The following HDX variants were observed in gnomAD, a reference collection of about 807,000 sequenced individuals.
The protein encoded by HDX is chromosome X open reading frame 43.
HDX carries 19 observed loss-of-function variants against 45.2 expected under a neutral mutation model. The observed-to-expected ratio is 0.42, with a 90% CI of 0.29 to 0.62. The LOEUF (loss-of-function observed/expected upper bound fraction) is 0.62, where lower values mean the gene tolerates loss of function less well. HDX is among the 20% of genes least tolerant of loss of function. The pLI, the probability that HDX is intolerant of heterozygous loss-of-function variation, is 0.20. For synonymous variants in HDX, 188 were observed against 172.8 expected, an observed-to-expected ratio of 1.09 and a Z score of -0.69; for missense variants, 532 against 493.9, an observed-to-expected ratio of 1.08 and a Z score of -0.73.
chrX:84,365,336 T>C (rs933357713), intron 5 of HDX, among the ~76,000 whole-genome samples: 12 of 111,309 alleles, frequency 1.1e-4, no homozygotes, highest in African/African-American at 3.9e-4. Context: ...CCTAAAGTCA[T>C]AGGGATGGCC....
intron 4 of HDX, among the ~76,000 whole-genome samples, chrX:84,452,749 C>T (rs2040029545): frequency 9.0e-6 from 1 of 111,516 alleles, no homozygotes; most frequent in Non-Finnish European, 1.9e-5. Flanking sequence ...TCAATAAATG[C>T]TACTAGGAAG....
At chrX:84,500,528 C>T (rs764416487) in intron 1 of HDX, among the ~76,000 whole-genome samples, 1 of 109,789 alleles carries the variant, frequency 9.1e-6, no homozygotes, top group South Asian at 4.0e-4. Context: ...CTACAAGCAA[C>T]TAACAAAGAC....
Position 84,469,086 on chromosome X carries a change from G to C in HDX, c.637C>G (p.Pro213Ala). ...QASEMTVPQK[P>A]SVCHRPCKIE... ...TTACAAGGTCGGTGGCACACAGAAG[G>C]CTTTTGAGGTACTGTCATTTCAGAA... Residue 213 changes from proline to alanine, a missense_variant, in exon 4 of 11, where the codon CCT (proline) becomes GCT (alanine). By Grantham distance (27) the Pro-to-Ala change is conservative. This residue lies in a region of HDX where 376 missense variants were observed against 343.7 expected (regional missense o/e 1.09). Coordinates refer to ENST00000373177, the MANE Select transcript of HDX (RefSeq NM_001177479.2). 1 of 1,211,564 alleles carries C rather than the reference G, an allele frequency of 8.3e-7. No homozygotes were observed. Among genetic ancestry groups the C allele is most frequent in the East Asian group, 3.0e-5 (1 of 33,834 alleles).
At chrX:84,489,624 T>C (rs956580263) in intron 1 of HDX, among the ~76,000 whole-genome samples, 1 of 111,920 alleles carries the variant, frequency 8.9e-6, no homozygotes, top group Non-Finnish European at 1.9e-5. Flanking sequence ...CAACTGTCTA[T>C]ACAATGCAAG....
At chrX:84,356,614 C>CTT (rs59321751) in intron 6 of HDX, among the ~76,000 whole-genome samples, 2,807 of 39,526 alleles carry the variant, frequency 0.071, 315 homozygotes, top group African/African-American at 0.19. Context: ...CTGTGGATAT[C>CTT]TTTTTTTTTT....
chrX:84,454,999 T>C (rs1378763530), intron 4 of HDX, among the ~76,000 whole-genome samples: 2 of 111,267 alleles, frequency 1.8e-5, no homozygotes, highest in Non-Finnish European at 3.8e-5. Flanking sequence ...CTGTGAGAGA[T>C]ATAGCATTAC....
chrX:84,374,752 A>T (rs2037997984), intron 5 of HDX, among the ~76,000 whole-genome samples: 1 of 108,459 alleles, frequency 9.2e-6, no homozygotes, highest in Non-Finnish European at 1.9e-5. Flanking sequence ...TTCAAGATGG[A>T]TTAAAGACTT....
chrX:84,330,294 G>C (rs902213509), intron 9 of HDX, among the ~76,000 whole-genome samples: 1 of 111,496 alleles, frequency 9.0e-6, no homozygotes, highest in Non-Finnish European at 1.9e-5. Context: ...TGGCAAACTG[G>C]TCTCAAAATC....
chrX:84,360,538 A>C (rs949127441), intron 6 of HDX, among the ~76,000 whole-genome samples: 6 of 111,634 alleles, frequency 5.4e-5, no homozygotes, highest in Admixed American at 9.6e-5. Flanking sequence ...CATCATGCCA[A>C]AAATAAATCC....
chrX:84,492,659 G>A (rs927141882), intron 1 of HDX, among the ~76,000 whole-genome samples: 2 of 111,233 alleles, frequency 1.8e-5, no homozygotes, highest in Non-Finnish European at 3.8e-5. Flanking sequence ...TCAGTACTGC[G>A]AATAACTCTT....
intron 6 of HDX, among the ~76,000 whole-genome samples, chrX:84,346,737 C>A (rs761271919): frequency 8.1e-5 from 9 of 111,466 alleles, no homozygotes; most frequent in African/African-American, 1.3e-4. Context: ...AAAATGAACT[C>A]AAAATGCATC....
At chrX:84,372,712 G>T (rs1364958709) in intron 5 of HDX, among the ~76,000 whole-genome samples, 1 of 111,743 alleles carries the variant, frequency 8.9e-6, no homozygotes, top group Non-Finnish European at 1.9e-5. Flanking sequence ...AACTCCCAAA[G>T]GTTTATCATA....
chrX:84,422,755 G>A (rs751510383), intron 5 of HDX, among the ~76,000 whole-genome samples: 4 of 89,188 alleles, frequency 4.5e-5, no homozygotes, highest in East Asian at 4.1e-4. Flanking sequence ...TGCAAGCTCC[G>A]CCTCCTGGGT....
chrX:84,405,356 G>A (rs2038794035), intron 5 of HDX, among the ~76,000 whole-genome samples: 1 of 110,443 alleles, frequency 9.1e-6, no homozygotes, highest in Non-Finnish European at 1.9e-5. Context: ...TATTTTAAAT[G>A]TGTGTATATA....
intron 5 of HDX, among the ~76,000 whole-genome samples, chrX:84,429,524 A>G (rs1240698914): frequency 2.7e-5 from 3 of 110,791 alleles, no homozygotes; most frequent in Non-Finnish European, 5.7e-5. Flanking sequence ...TTGAACGTGT[A>G]TCCTGTAATT....
At chrX:84,370,118 C>T (rs1416271818) in intron 5 of HDX, among the ~76,000 whole-genome samples, 1 of 111,846 alleles carries the variant, frequency 8.9e-6, no homozygotes, top group Non-Finnish European at 1.9e-5. Context: ...GAACAAAAAG[C>T]CTGAGTATGA....
At chrX:84,497,044 G>A (rs181798067) in intron 1 of HDX, among the ~76,000 whole-genome samples, 2 of 111,448 alleles carry the variant, frequency 1.8e-5, no homozygotes, top group East Asian at 2.8e-4. Context: ...AAAAGTGTTT[G>A]GCAGTTCCCA....
At chrX:84,323,302 C>T (rs2036638518) in intron 10 of HDX, among the ~76,000 whole-genome samples, 1 of 111,156 alleles carries the variant, frequency 9.0e-6, no homozygotes, top group Non-Finnish European at 1.9e-5. Flanking sequence ...TAATAGGACA[C>T]GGAGCCATTT....
intron 6 of HDX, among the ~76,000 whole-genome samples, chrX:84,358,960 G>C (rs139860796): frequency 9.0e-6 from 1 of 111,364 alleles, no homozygotes; most frequent in East Asian, 2.8e-4. Flanking sequence ...AGCGTCAACT[G>C]TTAGCATCTC....
Sources: gnomAD v4.1 joint callset for allele counts (sites outside exome capture counted in the v4.1 genomes callset) on GRCh38, gnomAD v4.1.1 for gene constraint, gnomAD v4.1.1 regional missense constraint, MANE v1.5 for transcripts, NCBI Gene and HGNC (gene_info 2026-07-23, HGNC 2026-07-21) for gene names.